The following GALNT17 variants were observed in gnomAD, a reference collection of about 807,000 sequenced individuals.
GALNT17 encodes the protein UDP-GalNAc:polypeptide N-acetylgalactosaminyltransferase-like 3.
Under a neutral mutation model 63.7 loss-of-function variants are expected in GALNT17, and 29 were observed. That is an observed-to-expected ratio of 0.46 (90% CI 0.34 to 0.62). GALNT17 has a LOEUF of 0.62. Ranked by LOEUF, GALNT17 falls within the 20% of genes least tolerant of loss-of-function variation. The pLI, the probability that GALNT17 is intolerant of heterozygous loss-of-function variation, is 0.01. For missense variants in GALNT17, 603 were observed against 799.6 expected (o/e 0.75, Z 2.97); for synonymous variants, 305 against 318.3 (o/e 0.96, Z 0.45).
intron 8 of GALNT17, among the ~76,000 whole-genome samples, chr7:71,673,624 A>C (rs1196486361): frequency 6.6e-6 from 1 of 152,122 alleles, no homozygotes; most frequent in Non-Finnish European, 1.5e-5. Context: ...ACTAAAAAGG[A>C]AATAATAAAC....
At chr7:71,224,246 T>C (rs1789640913) in intron 1 of GALNT17, among the ~76,000 whole-genome samples, 2 of 152,068 alleles carry the variant, frequency 1.3e-5, no homozygotes, top group Non-Finnish European at 2.9e-5. Context: ...AGTTTTGCCA[T>C]GTCGGCCAGG....
At chr7:71,174,144 G>T (rs1258448255) in intron 1 of GALNT17, among the ~76,000 whole-genome samples, 2 of 152,186 alleles carry the variant, frequency 1.3e-5, no homozygotes, top group Non-Finnish European at 2.9e-5. Context: ...TTTGGGATAC[G>T]TAACCCATAG....
At chr7:71,244,815 T>C (rs1426552115) in intron 1 of GALNT17, among the ~76,000 whole-genome samples, 1 of 152,060 alleles carries the variant, frequency 6.6e-6, no homozygotes, top group East Asian at 1.9e-4. Flanking sequence ...CTGGGCATGG[T>C]GGTGCACACC....
intron 1 of GALNT17, among the ~76,000 whole-genome samples, chr7:71,223,354 G>A (rs1789622270): frequency 6.6e-6 from 1 of 151,980 alleles, no homozygotes; most frequent in African/African-American, 2.4e-5. Flanking sequence ...TGTTTATTCA[G>A]TCATGTATTT....
intron 6 of GALNT17, among the ~76,000 whole-genome samples, chr7:71,616,677 A>T (rs890877878): frequency 8.2e-6 from 1 of 121,388 alleles, no homozygotes; most frequent in Non-Finnish European, 1.6e-5. Flanking sequence ...CATGTAATAT[A>T]ATACATTATA....
intron 3 of GALNT17, among the ~76,000 whole-genome samples, chr7:71,392,171 C>A (rs528627509): frequency 6.6e-6 from 1 of 152,142 alleles, no homozygotes; most frequent in East Asian, 1.9e-4. Flanking sequence ...AGAAGCAGAC[C>A]CTGAAATAAA....
chr7:71,358,764 C>A (rs968023817), intron 2 of GALNT17, among the ~76,000 whole-genome samples: 2 of 151,716 alleles, frequency 1.3e-5, no homozygotes, highest in Admixed American at 1.3e-4. Flanking sequence ...TTTTTCTTTT[C>A]TTTTCTTTTT....
At chr7:71,522,615 C>G (rs1350858624) in intron 5 of GALNT17, among the ~76,000 whole-genome samples, 5 of 152,102 alleles carry the variant, frequency 3.3e-5, no homozygotes, top group African/African-American at 1.2e-4. Flanking sequence ...CCCACTGGGT[C>G]CCTCCCATAA....
At chr7:71,638,753 G>A (rs1180822672) in intron 6 of GALNT17, among the ~76,000 whole-genome samples, 1 of 152,156 alleles carries the variant, frequency 6.6e-6, no homozygotes, top group Admixed American at 6.5e-5. Context: ...TCTAAGTCTG[G>A]ATTCTGCATA....
rs186119220 is a variant in GALNT17 at position 71,321,541 on chromosome 7, C to T, written c.239-14009C>T. Among the ~76,000 whole-genome samples, 10 of 152,272 alleles carry T rather than the reference C, an allele frequency of 6.6e-5. No homozygotes were observed. The East Asian group carries it at 1.7e-3, about 26-fold the overall frequency. ...GCCTGGTGGCCTGAAATACAGAGAC[C>T]CTGTTCTAGATCTAACACTTCAGAA... On this transcript the variant is annotated intron_variant, in intron 1 of 10. Transcript: ENST00000333538.
intron 1 of GALNT17, among the ~76,000 whole-genome samples, chr7:71,317,342 G>A (rs1257184501): frequency 6.6e-6 from 1 of 152,164 alleles, no homozygotes; most frequent in Non-Finnish European, 1.5e-5. Context: ...TTGTTGGCAT[G>A]TTCACAGGCA....
At chr7:71,326,745 G>A (rs1791712023) in intron 1 of GALNT17, among the ~76,000 whole-genome samples, 3 of 151,996 alleles carry the variant, frequency 2.0e-5, no homozygotes, top group Admixed American at 1.3e-4. Flanking sequence ...CCCAGCCTGG[G>A]CATCCTTTTC....
At chr7:71,507,717 C>T (rs1251685161) in intron 5 of GALNT17, among the ~76,000 whole-genome samples, 1 of 152,158 alleles carries the variant, frequency 6.6e-6, no homozygotes, top group Non-Finnish European at 1.5e-5. Flanking sequence ...TGTTTATTAC[C>T]TGTCAGGTAA....
At chr7:71,629,309 G>A (rs1370494068) in intron 6 of GALNT17, among the ~76,000 whole-genome samples, 2 of 152,100 alleles carry the variant, frequency 1.3e-5, no homozygotes, top group Non-Finnish European at 1.5e-5. Context: ...CATTCACACC[G>A]TGTTCTGTTA....
intron 2 of GALNT17, among the ~76,000 whole-genome samples, chr7:71,371,885 T>C (rs1279326213): frequency 6.6e-6 from 1 of 152,228 alleles, no homozygotes; most frequent in Non-Finnish European, 1.5e-5. Context: ...ATTTATTCTC[T>C]AAGAGCAGGT....
chr7:71,531,566 C>G lies in GALNT17; in HGVS notation c.963-39719C>G, dbSNP rs149268777. Among the ~76,000 whole-genome samples, 335 of 152,212 alleles carry G rather than the reference C, an allele frequency of 2.2e-3. 2 individuals are homozygous for G. Among genetic ancestry groups the G allele is most frequent in the African/African-American group, 7.9e-3 (328 of 41,536 alleles). On this transcript the variant is annotated intron_variant, in intron 5 of 10. Transcript: ENST00000333538. ...GTGCCTGACACTATTCTAAGTACTTCCTAGATATAAACTCATTTAAATCTC... is the reference window on the plus strand; with the variant it reads ...GTGCCTGACACTATTCTAAGTACTTGCTAGATATAAACTCATTTAAATCTC...
At chr7:71,460,642 A>G (rs1412795394) in intron 5 of GALNT17, among the ~76,000 whole-genome samples, 1 of 152,210 alleles carries the variant, frequency 6.6e-6, no homozygotes, top group East Asian at 1.9e-4. Context: ...GTTTATTAAG[A>G]GAGTGGAGGA....
intron 5 of GALNT17, among the ~76,000 whole-genome samples, chr7:71,433,178 T>C (rs1051975585): frequency 1.3e-5 from 2 of 152,158 alleles, no homozygotes; most frequent in African/African-American, 4.8e-5. Context: ...CATCTGGAAG[T>C]CGTCATCTTC....
chr7:71,401,665 A>G (rs1583921183), intron 3 of GALNT17, among the ~76,000 whole-genome samples: 1 of 151,892 alleles, frequency 6.6e-6, no homozygotes, highest in African/African-American at 2.4e-5. Flanking sequence ...AGAGGCATGA[A>G]CCCTATTGTG....
Sources: allele counts gnomAD v4.1 joint callset (sites outside exome capture counted in the v4.1 genomes callset), GRCh38; gene constraint gnomAD v4.1.1; transcripts MANE v1.5; gene names NCBI Gene and HGNC (gene_info 2026-07-23, HGNC 2026-07-21).